The following PCSK7 variants were observed in gnomAD, a reference collection of about 807,000 sequenced individuals.
The protein encoded by PCSK7 is proprotein convertase subtilisin/kexin type 7.
Under a neutral mutation model 73.3 loss-of-function variants are expected in PCSK7, and 38 were observed. The observed-to-expected ratio is 0.52, with a 90% CI of 0.40 to 0.68. The LOEUF is 0.68. PCSK7 is among the 30% of genes least tolerant of loss of function. The pLI, the probability that PCSK7 is intolerant of heterozygous loss-of-function variation, is 0.00. For synonymous variants in PCSK7, 296 were observed against 383.8 expected (o/e 0.77, Z 2.68); for missense variants, 692 against 991.5 (o/e 0.70, Z 4.06).
At position 117,218,797 on chromosome 11, in the gene PCSK7, G is replaced by A; in HGVS notation, c.1432-229C>T. The A allele has an allele frequency of 3.5e-6, 2 of 564,776 alleles. No homozygotes were observed. Among genetic ancestry groups the A allele is most frequent in the Non-Finnish European group, 6.3e-6 (2 of 316,596 alleles). The allele number at this position is 564,776 out of a possible 1,614,324, so 35.0% of individuals were successfully genotyped here. A position where few individuals can be genotyped will look rare whatever the true frequency, so the allele number is the denominator to read the frequency against. On this transcript the variant is annotated intron_variant, in intron 11 of 16. Transcript: ENST00000320934. This position sits in a 1 kb window ranked among gnomAD's most constrained non-coding sequence, Gnocchi z 4.0. ...AACAGCTGTGTCCAGGGTGGAGGAG[G>A]GGAACCAGAGCATCCTGAGTCCCAC...
At chr11:117,215,380 G>GTGTGTGTGTATATATA (rs1164738557) in intron 12 of PCSK7, 1 of 55,900 alleles carries the variant, frequency 1.8e-5, no homozygotes, top group African/African-American at 1.2e-4. Flanking sequence ...GTGTGTGTGT[G>GTGTGTGTGTATATATA]TATATATATA....
chr11:117,215,916 T>G (rs748821954), intron 12 of PCSK7: 15 of 152,182 alleles, frequency 9.9e-5, no homozygotes, highest in Admixed American at 4.6e-4. Flanking sequence ...AGTGCAGTAG[T>G]GCAACCATGG....
At chr11:117,225,846 A>C (rs1179763814) in intron 6 of PCSK7, 85 bp downstream of exon 6, 6 of 845,528 alleles carry the variant, frequency 7.1e-6, no homozygotes, top group African/African-American at 6.6e-5. Context: ...CTCCGGCCTA[A>C]GTCAGCCCAC....
chr11:117,206,300 T>C lies in PCSK7; in HGVS notation c.2055A>G (p.Glu685=), dbSNP rs1341833244. 19 of 1,614,172 alleles carry C rather than the reference T, an allele frequency of 1.2e-5. No individual in the cohort carries two copies. The highest frequency in any genetic ancestry group is 1.6e-5 in the Non-Finnish European group (19 of 1,180,014). The change falls in exon 17 of 17, where the codon GAA becomes GAG. Residue 685 remains glutamate, a synonymous_variant. Coordinates refer to ENST00000320934, the MANE Select transcript of PCSK7 (RefSeq NM_004716.4). ...TVFWTVYYML[E]VYLSQRNVAS... ...CCACATTCCTCTGGCTCAAATATAC[T>C]TCCAGCATGTAGTAAACAGTCCAGA...
chr11:117,226,200 G>A (rs2032419967), intron 5 of PCSK7, 179 bp from the exon 6 acceptor site: 4 of 591,942 alleles, frequency 6.8e-6, no homozygotes, highest in Non-Finnish European at 1.2e-5. Flanking sequence ...GCAGTGGCAT[G>A]ATCTCGGCTC....
rs1702045408 is a variant in PCSK7 at position 117,205,265 on chromosome 11, T to G, written c.*732A>C. The G allele has an allele frequency of 8.6e-6, 2 of 233,584 alleles. No homozygotes were observed. Among genetic ancestry groups the G allele is most frequent in the Non-Finnish European group, 1.7e-5 (2 of 118,042 alleles). 14.5% of individuals were successfully genotyped at this position (233,584 alleles called of 1,614,324 possible). A position where few individuals can be genotyped will look rare whatever the true frequency, so the allele number is the denominator to read the frequency against. ...TAGCTGGCCTCCGGCGGGAAGGCCA[T>G]TTCCCTGAGCACTTGCAGAGGAAGA... On this transcript the variant is annotated 3_prime_UTR_variant, in exon 17 of 17. Coordinates refer to ENST00000320934, the MANE Select transcript of PCSK7 (RefSeq NM_004716.4).
At position 117,206,380 on chromosome 11, in the gene PCSK7, G is replaced by A. The variant is rs561985799; in HGVS notation, c.1999-24C>T. ...GTCTGGGGCCGAGGCAAGCACCTAC[G>A]TGAGGCACTGTTTCCCGAAGCCTAC... On this transcript the variant is annotated intron_variant, in intron 16 of 16. Transcript: ENST00000320934. The A allele has an allele frequency of 1.3e-4, 200 of 1,587,094 alleles. 2 individuals are homozygous for A. The South Asian group carries it at 2.0e-3, about 16-fold the overall frequency.
chr11:117,227,681 T>C lies in PCSK7; in HGVS notation c.604-359A>G, dbSNP rs2032483910. ...TGGTCTCAAACTCCTGACCTCCTGATCCGCCCGCCTTGGCTTCCCAAAGTG... is the reference window on the plus strand; with the variant it reads ...TGGTCTCAAACTCCTGACCTCCTGACCCGCCCGCCTTGGCTTCCCAAAGTG... On this transcript the variant is annotated intron_variant, in intron 4 of 16. Transcript: ENST00000320934. Among the ~76,000 whole-genome samples, 4 of 152,224 alleles carry C rather than the reference T, an allele frequency of 2.6e-5. No individual in the cohort carries two copies. In the South Asian group the frequency reaches 8.3e-4, roughly 32 times the overall value.
At chr11:117,230,135 A>G (rs550919038) in intron 2 of PCSK7, 3 of 379,932 alleles carry the variant, frequency 7.9e-6, no homozygotes, top group Admixed American at 4.3e-5. Context: ...CAGGAGGTCC[A>G]GTTGCTCACA....
intron 12 of PCSK7, chr11:117,211,927 T>C (rs1030369854): frequency 6.6e-6 from 1 of 152,242 alleles, no homozygotes; most frequent in Non-Finnish European, 1.5e-5. Context: ...ACAGTTAATA[T>C]ACCTAAAGCG....
At position 117,205,170 on chromosome 11, in the gene PCSK7, A is replaced by T; in HGVS notation, c.*827T>A. 4.3e-6 allele frequency: 1 copy of T among 233,228 alleles called. No individual in the cohort carries two copies. Among genetic ancestry groups the T allele is most frequent in the East Asian group, 6.1e-5 (1 of 16,524 alleles). 14.4% of individuals were successfully genotyped at this position (233,228 alleles called of 1,614,324 possible). On this transcript the variant is annotated 3_prime_UTR_variant, in exon 17 of 17. Coordinates refer to ENST00000320934, the MANE Select transcript of PCSK7 (RefSeq NM_004716.4). ...AAACAAATCTTAAGCATTAAAAAAAATTCAACCAACTAGCTCAGAAGAGGG... is the reference window on the plus strand; with the variant it reads ...AAACAAATCTTAAGCATTAAAAAAATTTCAACCAACTAGCTCAGAAGAGGG...
chr11:117,211,532 C>T (rs1311310956), intron 12 of PCSK7: 3 of 152,358 alleles, frequency 2.0e-5, no homozygotes, highest in South Asian at 2.1e-4. Context: ...TTCCCACAAC[C>T]CCTCAAGCTC....
Position 117,229,669 on chromosome 11 carries a change from T to TC in PCSK7, c.175dup (p.Glu59GlyfsTer6). 8 of 1,613,872 alleles carry TC rather than the reference T, an allele frequency of 5.0e-6. No homozygotes were observed. Among genetic ancestry groups the TC allele is most frequent in the Non-Finnish European group, 5.9e-6 (7 of 1,179,762 alleles). On this transcript the variant is annotated frameshift_variant, in exon 3 of 17. Coordinates refer to ENST00000320934, the MANE Select transcript of PCSK7 (RefSeq NM_004716.4). LOFTEE classifies it high-confidence loss of function. ...TTCCTCCCCGTCACCTTCCAGGCTT[T>TC]CCAGGTGCACAGCCCAGCTCGGCCC...
At chr11:117,230,743 A>G (rs1244772228) in intron 1 of PCSK7, among the ~76,000 whole-genome samples, 1 of 152,204 alleles carries the variant, frequency 6.6e-6, no homozygotes, top group African/African-American at 2.4e-5. Context: ...CTCTTGAAAG[A>G]GTAGGTAATA....
At chr11:117,223,168 GGGA>G (rs1318307207) in intron 9 of PCSK7, 37 bp downstream of exon 9, 2 of 1,173,942 alleles carry the variant, frequency 1.7e-6, no homozygotes, top group Admixed American at 3.4e-5. Flanking sequence ...GAAGTCTTGT[GGGA>G]AAGGGGCAGG....
At chr11:117,211,695 T>C (rs1456827547) in intron 12 of PCSK7, 1 of 152,266 alleles carries the variant, frequency 6.6e-6, no homozygotes, top group Non-Finnish European at 1.5e-5. Flanking sequence ...TAGACCTTTT[T>C]GCTAGCACCT....
At chr11:117,210,891 G>C (rs2031700138) in intron 12 of PCSK7, 1 of 152,104 alleles carries the variant, frequency 6.6e-6, no homozygotes, top group Non-Finnish European at 1.5e-5. Context: ...AACCATGACT[G>C]TGCCTCTGCA....
Position 117,218,396 on chromosome 11 carries a change from G to GT in PCSK7, c.1534+69dup. The GT allele has an allele frequency of 1.2e-6, 1 of 822,418 alleles. No individual in the cohort carries two copies. Among genetic ancestry groups the GT allele is most frequent in the South Asian group, 2.0e-5 (1 of 50,738 alleles). The allele number at this position is 822,418 out of a possible 1,614,324, so 50.9% of individuals were successfully genotyped here. Reference sequence around the variant, plus strand: ...GGGTAGAATCTGGCAGGGAGGACGAGTTTAACTTCCTTGTCACCCGGCCCC... The same window carrying GT: ...GGGTAGAATCTGGCAGGGAGGACGAGTTTTAACTTCCTTGTCACCCGGCCCC... On this transcript the variant is annotated intron_variant, in intron 12 of 16. Coordinates refer to ENST00000320934, the MANE Select transcript of PCSK7 (RefSeq NM_004716.4). The surrounding 1 kb of genome is among the most constrained non-coding windows in gnomAD (Gnocchi z 4.0).
At position 117,218,906 on chromosome 11, in the gene PCSK7, A is replaced by G. The variant is rs75769590; in HGVS notation, c.1431+151T>C. 373 of 596,494 alleles carry G rather than the reference A, an allele frequency of 6.3e-4. 2 individuals are homozygous for G. Among genetic ancestry groups the G allele is most frequent in the African/African-American group, 5.9e-3 (321 of 54,010 alleles). The allele number at this position is 596,494 out of a possible 1,614,324, so 37.0% of individuals were successfully genotyped here. ...GCCTGCTTTCTCATTTGTAAAATGGATATCAGCTGGGATGAAGGTTGAAGT... is the reference window on the plus strand; with the variant it reads ...GCCTGCTTTCTCATTTGTAAAATGGGTATCAGCTGGGATGAAGGTTGAAGT... On this transcript the variant is annotated intron_variant, in intron 11 of 16. Coordinates refer to ENST00000320934, the MANE Select transcript of PCSK7 (RefSeq NM_004716.4). The surrounding 1 kb of genome is among the most constrained non-coding windows in gnomAD (Gnocchi z 4.0).
Sources: gnomAD v4.1 joint callset for allele counts (sites outside exome capture counted in the v4.1 genomes callset) on GRCh38, gnomAD v4.1.1 for gene constraint, Gnocchi (gnomAD v3.1) non-coding constraint, MANE v1.5 for transcripts, NCBI Gene and HGNC (gene_info 2026-07-23, HGNC 2026-07-21) for gene names.